COP1: variants seen among roughly 807,000 people sequenced by gnomAD.
COP1 encodes the protein E3 ubiquitin-protein ligase COP1.
In COP1, 24 loss-of-function variants were observed where a neutral mutation model predicts 101.3. The ratio of observed to expected loss-of-function variants is 0.24; its 90% confidence interval spans 0.17 to 0.33. COP1 has a LOEUF of 0.33. COP1 is among the 10% of genes least tolerant of loss of function. The pLI is 1.00. For missense variants in COP1, 663 were observed against 906.2 expected (o/e 0.73, Z 3.45); for synonymous variants, 347 against 341.9 (o/e 1.01, Z -0.17).
At chr1:176,052,473 A>G (rs868580964) in intron 11 of COP1, among the ~76,000 whole-genome samples, 4 of 152,178 alleles carry the variant, frequency 2.6e-5, no homozygotes, top group African/African-American at 9.7e-5. Context: ...AATCGATTTT[A>G]AAGACTGAAT....
At chr1:176,005,123 T>G (rs1313144358) in intron 15 of COP1, among the ~76,000 whole-genome samples, 1 of 152,182 alleles carries the variant, frequency 6.6e-6, no homozygotes, top group African/African-American at 2.4e-5. Flanking sequence ...TTTCTAGATT[T>G]TCTAGTTTAT....
At chr1:175,971,984 T>C (rs756322835) in intron 18 of COP1, among the ~76,000 whole-genome samples, 7 of 152,102 alleles carry the variant, frequency 4.6e-5, no homozygotes, top group Non-Finnish European at 8.8e-5. Context: ...GCAGCGACTG[T>C]TGGAAACACT....
chr1:176,011,086 A>C (rs1664578214), intron 15 of COP1, among the ~76,000 whole-genome samples: 1 of 152,158 alleles, frequency 6.6e-6, no homozygotes. Flanking sequence ...AGTTTATCTC[A>C]GTTTTAGTTG....
chr1:176,193,990 GACA>G (rs1309514740), intron 1 of COP1, among the ~76,000 whole-genome samples: 4 of 152,056 alleles, frequency 2.6e-5, no homozygotes, highest in Non-Finnish European at 4.4e-5. Flanking sequence ...TAACACTTTT[GACA>G]ACAAGGGAGT....
chr1:176,024,459 A>G (rs146098356), intron 15 of COP1, among the ~76,000 whole-genome samples: 1 of 152,228 alleles, frequency 6.6e-6, no homozygotes, highest in African/African-American at 2.4e-5. Flanking sequence ...AAAAACTCTT[A>G]GCAAACTAGG....
At chr1:176,104,607 T>C in intron 9 of COP1, among the ~76,000 whole-genome samples, 1 of 152,182 alleles carries the variant, frequency 6.6e-6, no homozygotes, top group East Asian at 1.9e-4. Flanking sequence ...GAGATATATT[T>C]CTCACCTAAT....
At chr1:176,136,804 A>T (rs537285076) in intron 6 of COP1, among the ~76,000 whole-genome samples, 18 of 152,348 alleles carry the variant, frequency 1.2e-4, no homozygotes, top group African/African-American at 3.8e-4. Context: ...TTACAATAAA[A>T]GTATGAGATG....
chr1:176,104,567 T>C (rs975364787), intron 9 of COP1, among the ~76,000 whole-genome samples: 1 of 152,174 alleles, frequency 6.6e-6, no homozygotes, highest in African/African-American at 2.4e-5. Context: ...GTCAATCTCA[T>C]TTATAATTAA....
chr1:175,983,279 G>A (rs1018107832), intron 18 of COP1, among the ~76,000 whole-genome samples: 1 of 152,188 alleles, frequency 6.6e-6, no homozygotes, highest in African/African-American at 2.4e-5. Context: ...GGGACCCAGT[G>A]GGAGGTAAAT....
chr1:176,190,639 A>G (rs1023035067), intron 1 of COP1, among the ~76,000 whole-genome samples: 2 of 151,902 alleles, frequency 1.3e-5, no homozygotes, highest in Non-Finnish European at 2.9e-5. Context: ...TCATATTGCA[A>G]TCCGGCCCAA....
chr1:176,063,307 G>A (rs2481658), intron 11 of COP1, among the ~76,000 whole-genome samples: 40,736 of 151,408 alleles, frequency 0.27, 6,521 homozygotes, highest in East Asian at 0.49. Flanking sequence ...TGATCCACCC[G>A]CCTCGGCCTC....
chr1:176,087,664 A>G (rs929166974), intron 9 of COP1, among the ~76,000 whole-genome samples: 2 of 152,242 alleles, frequency 1.3e-5, no homozygotes, highest in Non-Finnish European at 2.9e-5. Flanking sequence ...GTGGGAGTAT[A>G]AACTAATTCA....
chr1:176,040,648 T>C (rs1320292026), intron 14 of COP1, among the ~76,000 whole-genome samples: 2 of 152,222 alleles, frequency 1.3e-5, no homozygotes, highest in Non-Finnish European at 2.9e-5. Flanking sequence ...TATTCCATTC[T>C]GTATATAGTA....
chr1:176,033,239 C>T (rs980970915), intron 14 of COP1, among the ~76,000 whole-genome samples: 4 of 151,946 alleles, frequency 2.6e-5, no homozygotes, highest in African/African-American at 9.7e-5. Context: ...TGGTGAAATC[C>T]CATCTCTATT....
chr1:176,113,689 A>T (rs534552091), intron 9 of COP1, among the ~76,000 whole-genome samples: 219 of 152,330 alleles, frequency 1.4e-3, no homozygotes, highest in Admixed American at 3.7e-3. Context: ...GCAGCAATAA[A>T]TATGAATAAG....
intron 18 of COP1, among the ~76,000 whole-genome samples, chr1:175,978,137 G>C (rs774133736): frequency 3.3e-5 from 5 of 151,970 alleles, no homozygotes; most frequent in Non-Finnish European, 5.9e-5. Context: ...CCTTAAAAAA[G>C]GCAGGACTAA....
At chr1:175,955,044 G>A (rs1335239464) in intron 18 of COP1, among the ~76,000 whole-genome samples, 1 of 151,962 alleles carries the variant, frequency 6.6e-6, no homozygotes, top group African/African-American at 2.4e-5. Context: ...GTCCAGGAGT[G>A]TGAGACCAGC....
At chr1:175,952,885 C>A (rs1650127510) in intron 18 of COP1, among the ~76,000 whole-genome samples, 1 of 152,124 alleles carries the variant, frequency 6.6e-6, no homozygotes, top group South Asian at 2.1e-4. Flanking sequence ...CCACTGCACT[C>A]CAGCTTGGGA....
chr1:176,118,959 G>A (rs560517019), intron 8 of COP1, among the ~76,000 whole-genome samples: 43 of 152,168 alleles, frequency 2.8e-4, no homozygotes, highest in South Asian at 4.1e-4. Context: ...TTAGATGAGT[G>A]CCAAAAAATG....
Sources: allele counts gnomAD v4.1 joint callset (sites outside exome capture counted in the v4.1 genomes callset), GRCh38; gene constraint gnomAD v4.1.1; transcripts MANE v1.5; gene names NCBI Gene and HGNC (gene_info 2026-07-23, HGNC 2026-07-21).